Variants in BPIFC observed in about 807,000 individuals in gnomAD.
BPIFC encodes the protein BPI fold-containing family C protein.
Under a neutral mutation model 57.6 loss-of-function variants are expected in BPIFC, and 60 were observed. The ratio of observed to expected loss-of-function variants is 1.04; its 90% CI spans 0.85 to 1.29. BPIFC has a LOEUF of 1.29. Ranked by LOEUF, BPIFC falls within the 50% of genes most tolerant of loss-of-function variation. BPIFC has a pLI of 0.00. For synonymous variants in BPIFC, 243 were observed against 224.5 expected (o/e 1.08, Z -0.74); for missense variants, 581 against 600.5 (o/e 0.97, Z 0.34).
chr22:32,427,506 C>A (rs1934101132), intron 13 of BPIFC, among the ~76,000 whole-genome samples: 1 of 152,138 alleles, frequency 6.6e-6, no homozygotes, highest in Non-Finnish European at 1.5e-5. Context: ...CCGCATCACT[C>A]CCCATTTCCA....
chr22:32,445,754 T>C (rs1934710111), intron 6 of BPIFC, 56 bp from the exon 7 acceptor site: 45 of 1,139,018 alleles, frequency 4.0e-5, no homozygotes, highest in Non-Finnish European at 5.5e-5. Flanking sequence ...TCAGAGACCA[T>C]AATCAGCCAT....
intron 7 of BPIFC, 28 bp downstream of exon 7, chr22:32,445,607 T>G: frequency 6.4e-7 from 1 of 1,559,398 alleles, no homozygotes; most frequent in Non-Finnish European, 8.7e-7. Flanking sequence ...GGCATTTTAC[T>G]GTGGTTGCCT....
At chr22:32,430,376 C>A (rs1934204893) in intron 13 of BPIFC, among the ~76,000 whole-genome samples, 6 of 151,898 alleles carry the variant, frequency 4.0e-5, no homozygotes, top group Admixed American at 3.3e-4. Context: ...CACTAGCATG[C>A]TCTATGAATT....
chr22:32,448,047 A>G (rs562011915), intron 4 of BPIFC, among the ~76,000 whole-genome samples: 1 of 151,402 alleles, frequency 6.6e-6, no homozygotes, highest in South Asian at 2.1e-4. Context: ...TGTATTTTGC[A>G]CGGCCCAGCT....
Position 32,418,305 on chromosome 22 carries a change from T to C in BPIFC, c.1260+1057A>G, listed in dbSNP as rs767883024. Among the ~76,000 whole-genome samples the C allele has an allele frequency of 1.3e-3, 193 of 152,336 alleles. 1 individual carries two copies. Among genetic ancestry groups the C allele is most frequent in the Non-Finnish European group, 2.1e-3 (144 of 68,034 alleles). On this transcript the variant is annotated intron_variant, in intron 14 of 16. Transcript: ENST00000300399. ...TTTAGTAAACACTATATTTGTTTGT[T>C]TGTTGTATGCTACTCTCAGCCTGTC... is the stretch of plus-strand genomic sequence containing the variant.
chr22:32,443,349 G>C (rs1366732802), intron 7 of BPIFC, among the ~76,000 whole-genome samples: 2 of 152,062 alleles, frequency 1.3e-5, no homozygotes, highest in Non-Finnish European at 2.9e-5. Context: ...ATTTTTAGTA[G>C]AGACGGGGTT....
Position 32,417,143 on chromosome 22 carries a change from C to G in BPIFC, c.1266G>C (p.Leu422Phe), listed in dbSNP as rs370915663. The G allele has an allele frequency of 1.9e-6, 3 of 1,592,028 alleles. No individual in the cohort carries two copies. Among genetic ancestry groups the G allele is most frequent in the Non-Finnish European group, 2.6e-6 (3 of 1,161,798 alleles). ...TGGACGATAGAATATTTTCAAACCT[C>G]AAGACCTAAAATAAAAGAGGAAATA... The part of the protein sequence containing the change: ...PESNRSNIEV[L>F]RFENILSSIL... The change falls in exon 15 of 17, where the codon TTG becomes TTC. Residue 422 changes from leucine to phenylalanine, a missense_variant. By Grantham distance (22) the Leu-to-Phe change is conservative. Transcript: ENST00000300399.
intron 13 of BPIFC, among the ~76,000 whole-genome samples, chr22:32,427,566 G>T (rs1934102750): frequency 6.6e-6 from 1 of 152,034 alleles, no homozygotes; most frequent in Non-Finnish European, 1.5e-5. Flanking sequence ...AACAGACTGA[G>T]CATCACGGTC....
At chr22:32,438,865 A>G (rs977601181) in intron 8 of BPIFC, among the ~76,000 whole-genome samples, 3 of 151,960 alleles carry the variant, frequency 2.0e-5, no homozygotes, top group Non-Finnish European at 2.9e-5. Context: ...CATTAGAAAT[A>G]TTTTTAGAAA....
intron 1 of BPIFC, among the ~76,000 whole-genome samples, chr22:32,462,004 T>C (rs1369302310): frequency 6.6e-6 from 1 of 151,354 alleles, no homozygotes; most frequent in Non-Finnish European, 1.5e-5. Flanking sequence ...AAACTGTCTC[T>C]ACTAAAAATA....
intron 1 of BPIFC, among the ~76,000 whole-genome samples, chr22:32,462,191 GAAAAAAGAA>G (rs1568964111): frequency 9.5e-5 from 9 of 95,018 alleles, no homozygotes; most frequent in African/African-American, 3.2e-4. Context: ...AAAAAAAAAA[GAAAAAAGAA>G]AAAAAAGAAA....
In BPIFC at chr22:32,435,693, A is replaced by G. The variant is rs1288505992; in HGVS notation, c.924+11T>C. 6.2e-7 allele frequency: 1 copy of G among 1,608,604 alleles called. No individual in the cohort carries two copies. The highest frequency in any genetic ancestry group is 1.3e-5 in the African/African-American group (1 of 74,642). Reference sequence around the variant, plus strand: ...TGGTGACCATTGACATCCTCAGTTAACTCTCCTCACCTCTTCGGTGGAGAG... The same window carrying G: ...TGGTGACCATTGACATCCTCAGTTAGCTCTCCTCACCTCTTCGGTGGAGAG... On this transcript the variant is annotated intron_variant, in intron 10 of 16. Coordinates refer to ENST00000300399, the MANE Select transcript of BPIFC (RefSeq NM_174932.3).
At chr22:32,429,383 T>A (rs1009032227) in intron 13 of BPIFC, among the ~76,000 whole-genome samples, 1 of 151,914 alleles carries the variant, frequency 6.6e-6, no homozygotes, top group African/African-American at 2.4e-5. Flanking sequence ...ATTTTTTGCA[T>A]TTTCAGTAGA....
chr22:32,460,056 C>T (rs1044809494), intron 2 of BPIFC, among the ~76,000 whole-genome samples: 5 of 152,002 alleles, frequency 3.3e-5, no homozygotes, highest in African/African-American at 1.2e-4. Flanking sequence ...GGTGAGTAGG[C>T]TTTAAGGTGA....
chr22:32,453,557 T>C, intron 3 of BPIFC, 54 bp from the exon 4 acceptor site: 15 of 1,524,394 alleles, frequency 9.8e-6, no homozygotes, highest in Non-Finnish European at 1.3e-5. Flanking sequence ...AATAATAGCA[T>C]AATAACATTA....
chr22:32,437,697 C>A, intron 9 of BPIFC, 63 bp downstream of exon 9: 2 of 1,252,554 alleles, frequency 1.6e-6, no homozygotes, highest in South Asian at 2.4e-5. Flanking sequence ...AGTCCATAAT[C>A]ATTGTTTTCT....
intron 1 of BPIFC, among the ~76,000 whole-genome samples, chr22:32,462,065 G>C (rs569135978): frequency 6.6e-6 from 1 of 150,714 alleles, no homozygotes; most frequent in Non-Finnish European, 1.5e-5. Flanking sequence ...AGCTATGTGG[G>C]AGGCTGAGGC....
intron 13 of BPIFC, among the ~76,000 whole-genome samples, chr22:32,429,254 T>G (rs1362246629): frequency 6.6e-6 from 1 of 151,934 alleles, no homozygotes; most frequent in Non-Finnish European, 1.5e-5. Context: ...TCCCCCAGGC[T>G]GGAGTGCAGT....
At position 32,424,691 on chromosome 22, in the gene BPIFC, TC is replaced by T. The variant is rs1403344749; in HGVS notation, c.1218-5288del. ...TTCTTCTTCTTCTTCTTCTTCTTCT[TC>T]CTCTTCTTCTTCCTCTTCTTCTTCC... is the stretch of plus-strand genomic sequence containing the variant. On this transcript the variant is annotated intron_variant, in intron 13 of 16. Transcript: ENST00000300399. Among the ~76,000 whole-genome samples, 290 of 58,884 alleles carry T rather than the reference TC, an allele frequency of 4.9e-3. 44 individuals are homozygous for T. The highest frequency in any genetic ancestry group is 0.045 in the East Asian group (69 of 1,550). The allele number at this position is 58,884 out of a possible 152,430, so 38.6% of individuals were successfully genotyped here. A position where few individuals can be genotyped will look rare whatever the true frequency, so the allele number is the denominator to read the frequency against.
Sources: allele counts gnomAD v4.1 joint callset (sites outside exome capture counted in the v4.1 genomes callset), GRCh38; gene constraint gnomAD v4.1.1; transcripts MANE v1.5; gene names NCBI Gene and HGNC (gene_info 2026-07-23, HGNC 2026-07-21).